The following ZDHHC17 variants were observed in gnomAD, a reference collection of about 807,000 sequenced individuals.
The protein encoded by ZDHHC17 is palmitoyltransferase ZDHHC17.
In ZDHHC17, 40 loss-of-function variants were observed where a neutral mutation model predicts 90.3. The observed-to-expected ratio is 0.44, with a 90% confidence interval of 0.34 to 0.58. ZDHHC17 has a LOEUF of 0.58. Among genes scored for constraint, ZDHHC17 ranks in the 20% least tolerant of loss-of-function variants. ZDHHC17 has a pLI of 0.01. For missense variants in ZDHHC17, 614 were observed against 780.8 expected (o/e 0.79, Z 2.55); for synonymous variants, 235 against 252.4 (o/e 0.93, Z 0.65).
At chr12:76,829,181 G>A (rs1953266850) in intron 10 of ZDHHC17, among the ~76,000 whole-genome samples, 1 of 152,040 alleles carries the variant, frequency 6.6e-6, no homozygotes, top group Admixed American at 6.5e-5. Flanking sequence ...ACTAATGGCT[G>A]GGCGCTGCGT....
intron 3 of ZDHHC17, among the ~76,000 whole-genome samples, chr12:76,806,503 A>G (rs980106044): frequency 6.2e-4 from 94 of 152,258 alleles, no homozygotes; most frequent in African/African-American, 2.1e-3. Context: ...GCCTGCGCCT[A>G]TATAAATATA....
intron 10 of ZDHHC17, among the ~76,000 whole-genome samples, chr12:76,830,529 A>G (rs1289936942): frequency 6.6e-6 from 1 of 152,166 alleles, no homozygotes; most frequent in Non-Finnish European, 1.5e-5. Flanking sequence ...CTTTGACTTA[A>G]AAATTGTTCC....
At chr12:76,800,375 C>T (rs1475902001) in intron 2 of ZDHHC17, among the ~76,000 whole-genome samples, 1 of 152,154 alleles carries the variant, frequency 6.6e-6, no homozygotes, top group East Asian at 1.9e-4. Context: ...GCCACAGTTT[C>T]CTTAAGTTCT....
intron 1 of ZDHHC17, among the ~76,000 whole-genome samples, chr12:76,786,317 T>C (rs1396589754): frequency 6.6e-6 from 1 of 152,102 alleles, no homozygotes; most frequent in African/African-American, 2.4e-5. Flanking sequence ...AGTCTTGCTC[T>C]GTCGTCCAGG....
intron 1 of ZDHHC17, among the ~76,000 whole-genome samples, chr12:76,787,436 A>G (rs1428503189): frequency 1.3e-5 from 2 of 152,366 alleles, no homozygotes; most frequent in East Asian, 1.9e-4. Flanking sequence ...CCTGGAATAT[A>G]TTTGAATAAG....
chr12:76,821,812 A>G (rs761417606), intron 7 of ZDHHC17, among the ~76,000 whole-genome samples: 1 of 152,148 alleles, frequency 6.6e-6, no homozygotes, highest in Non-Finnish European at 1.5e-5. Flanking sequence ...TCTTTTTCTT[A>G]GGATTAAAGG....
chr12:76,777,924 G>A (rs560352953), intron 1 of ZDHHC17, among the ~76,000 whole-genome samples: 5 of 152,214 alleles, frequency 3.3e-5, no homozygotes, highest in Non-Finnish European at 5.9e-5. Flanking sequence ...GGAAGGATGC[G>A]GGGAGCTGAG....
At chr12:76,768,152 G>A (rs1041999480) in intron 1 of ZDHHC17, among the ~76,000 whole-genome samples, 1 of 152,212 alleles carries the variant, frequency 6.6e-6, no homozygotes, top group Non-Finnish European at 1.5e-5. Context: ...AATACTGAAA[G>A]GGAAGCTGCT....
At chr12:76,773,978 G>C (rs1007525630) in intron 1 of ZDHHC17, among the ~76,000 whole-genome samples, 4 of 152,108 alleles carry the variant, frequency 2.6e-5, no homozygotes, top group African/African-American at 4.8e-5. Context: ...GCTGAGTGCG[G>C]TGGCTTGTGC....
intron 8 of ZDHHC17, among the ~76,000 whole-genome samples, chr12:76,824,080 T>A (rs1953199360): frequency 6.7e-6 from 1 of 149,582 alleles, no homozygotes; most frequent in Non-Finnish European, 1.5e-5. Flanking sequence ...AAGTTTTATT[T>A]TATATATGTA....
intron 1 of ZDHHC17, among the ~76,000 whole-genome samples, chr12:76,791,574 A>G (rs1219223206): frequency 6.6e-6 from 1 of 152,226 alleles, no homozygotes; most frequent in Non-Finnish European, 1.5e-5. Flanking sequence ...CCAAAATACC[A>G]TAAATTTAAT....
chr12:76,784,377 G>A (rs1952662666), intron 1 of ZDHHC17, among the ~76,000 whole-genome samples: 1 of 152,112 alleles, frequency 6.6e-6, no homozygotes, highest in Non-Finnish European at 1.5e-5. Flanking sequence ...GTGAAGCTCG[G>A]GTAGAAGATG....
intron 9 of ZDHHC17, 126 bp downstream of exon 9, chr12:76,827,176 T>C: frequency 9.0e-7 from 1 of 1,110,416 alleles, no homozygotes; most frequent in Non-Finnish European, 1.2e-6. Context: ...TTTAGACATC[T>C]GTATGTGAAA....
rs1234649746 is a variant in ZDHHC17 at position 76,764,852 on chromosome 12, C to A, written c.93+523C>A. The A allele has an allele frequency of 8.8e-6, 4 of 456,106 alleles. No individual in the cohort carries two copies. In the East Asian group the frequency reaches 2.8e-4, roughly 32 times the overall value. 28.3% of individuals were successfully genotyped at this position (456,106 alleles called of 1,614,324 possible). ...AGCACCTCGGGCACCTTGTGTCGGG[C>A]GTCCTTTTTTGAGCATTTGTCCTTA... On this transcript the variant is annotated intron_variant, in intron 1 of 16. Transcript: ENST00000426126.
intron 1 of ZDHHC17, among the ~76,000 whole-genome samples, chr12:76,789,546 A>G (rs1246873783): frequency 1.3e-5 from 2 of 152,274 alleles, no homozygotes; most frequent in South Asian, 2.1e-4. Context: ...CAGAGTGACT[A>G]ACTGTGGTTG....
chr12:76,846,025 A>C (rs966331641), intron 13 of ZDHHC17, among the ~76,000 whole-genome samples: 16 of 152,030 alleles, frequency 1.1e-4, no homozygotes, highest in Non-Finnish European at 1.9e-4. Flanking sequence ...TCTGGTGCCT[A>C]CTCTTGATAA....
chr12:76,791,586 G>T (rs1592468377), intron 1 of ZDHHC17, among the ~76,000 whole-genome samples: 1 of 152,210 alleles, frequency 6.6e-6, no homozygotes, highest in South Asian at 2.1e-4. Flanking sequence ...AAATTTAATA[G>T]AATTAAATTT....
chr12:76,827,563 C>T (rs900385358), intron 9 of ZDHHC17, among the ~76,000 whole-genome samples: 1 of 151,928 alleles, frequency 6.6e-6, no homozygotes, highest in South Asian at 2.1e-4. Context: ...TCTTCTTATT[C>T]TTAAGTCTCA....
At chr12:76,798,557 A>G (rs1271812685) in intron 2 of ZDHHC17, among the ~76,000 whole-genome samples, 2 of 110,028 alleles carry the variant, frequency 1.8e-5, no homozygotes, top group African/African-American at 5.6e-5. Flanking sequence ...CAAAAAAAGA[A>G]AAAAAAAAAA....
Sources: allele counts gnomAD v4.1 joint callset (sites outside exome capture counted in the v4.1 genomes callset), GRCh38; gene constraint gnomAD v4.1.1; transcripts MANE v1.5; gene names NCBI Gene and HGNC (gene_info 2026-07-23, HGNC 2026-07-21).